Variants in SMTNL2 observed in about 807,000 individuals in gnomAD.
SMTNL2 encodes smoothelin-like protein 2.
SMTNL2 carries 43 observed loss-of-function variants against 44.1 expected under a neutral mutation model. The observed-to-expected ratio is 0.98, with a 90% CI of 0.76 to 1.26. SMTNL2 has a LOEUF of 1.26. Ranked by LOEUF, SMTNL2 falls within the 50% of genes most tolerant of loss-of-function variation. The probability of loss-of-function intolerance (pLI) is 0.00; values close to 1 mark genes in which losing one functional copy is unlikely to be tolerated. For missense variants in SMTNL2, 646 were observed against 670.2 expected (o/e 0.96, Z 0.40); for synonymous variants, 317 against 287.6 (o/e 1.10, Z -1.03).
chr17:4,584,701 C>G lies in SMTNL2; in HGVS notation c.96C>G (p.His32Gln), dbSNP rs1245670734. ...TGGAGGGTGCGGTGCGCGCGCTGCA[C>G]GAGGACATGCGGGGGCTGCAGCGCG... ...AALEGAVRAL[H>Q]EDMRGLQRGV... Residue 32 changes from histidine to glutamine, a missense_variant, in exon 1 of 8, where the codon CAC becomes CAG. Coordinates refer to ENST00000389313, the MANE Select transcript of SMTNL2 (RefSeq NM_001114974.2). 6 of 1,295,026 alleles carry G rather than the reference C, an allele frequency of 4.6e-6. No individual in the cohort carries two copies. Among genetic ancestry groups the G allele is most frequent in the Admixed American group, 4.1e-5 (1 of 24,138 alleles). The allele number at this position is 1,295,026 out of a possible 1,614,324, so 80.2% of individuals were successfully genotyped here.
Position 4,593,132 on chromosome 17 carries a change from C to G in SMTNL2, c.691C>G (p.Pro231Ala), listed in dbSNP as rs1374923847. Residue 231 changes from proline (P) to alanine (A), a missense_variant, in exon 3 of 8, where the codon CCC (proline) becomes GCC (alanine). Transcript: ENST00000389313. ...CACCCTGGGGGGCCTCAACCCAAGC[C>G]CCAGCGAGGTCATCACGCCCTGGAC... ...AATLGGLNPSPSEVITPWTPS... is the reference protein window; with the variant it reads ...AATLGGLNPSASEVITPWTPS... The G allele has an allele frequency of 1.9e-6, 3 of 1,611,372 alleles. No homozygotes were observed. Among genetic ancestry groups the G allele is most frequent in the Non-Finnish European group, 2.5e-6 (3 of 1,178,194 alleles).
At chr17:4,585,300 G>A (rs911624377) in intron 1 of SMTNL2, among the ~76,000 whole-genome samples, 1 of 152,240 alleles carries the variant, frequency 6.6e-6, no homozygotes, top group African/African-American at 2.4e-5. Flanking sequence ...CAACGGCTTG[G>A]GCGCCGAAGT....
chr17:4,592,600 G>A lies in SMTNL2; in HGVS notation c.487+152G>A, dbSNP rs1456328196. 37 of 728,534 alleles carry A rather than the reference G, an allele frequency of 5.1e-5. No homozygotes were observed. Among genetic ancestry groups the A allele is most frequent in the East Asian group, 1.1e-4 (4 of 36,742 alleles). 45.1% of individuals were successfully genotyped at this position (728,534 alleles called of 1,614,324 possible). The stretch of plus-strand genomic sequence containing the variant: ...GGAGAGAGGCTGCCAGGAGAGCAGC[G>A]TCATTCAGTAGAACTTGTGAAACAC... On this transcript the variant is annotated intron_variant, in intron 2 of 7. Transcript: ENST00000389313. This position sits in a 1 kb window ranked among gnomAD's most constrained non-coding sequence, Gnocchi z 4.5.
chr17:4,590,461 C>G (rs73973196), intron 1 of SMTNL2, among the ~76,000 whole-genome samples: 27,135 of 152,080 alleles, frequency 0.18, 2,488 homozygotes, highest in Middle Eastern at 0.22. Context: ...GTGCATGCCC[C>G]TGACTCCTGT....
chr17:4,606,833 C>T (rs568615054), intron 7 of SMTNL2, among the ~76,000 whole-genome samples: 7 of 152,226 alleles, frequency 4.6e-5, no homozygotes, highest in African/African-American at 1.7e-4. Context: ...TCACTCGAAC[C>T]CGGGAGGCAG....
rs746916563 is a variant in SMTNL2 at position 4,595,104 on chromosome 17, G to T, written c.807-41G>T. ...CTTGGGGCCTGGTGAGCTAGTGATG[G>T]CTGCTGGGCCCAGGTCCCAACTCGG... On this transcript the variant is annotated intron_variant, in intron 4 of 7. Transcript: ENST00000389313. This position sits in a 1 kb window ranked among gnomAD's most constrained non-coding sequence, Gnocchi z 5.1. The T allele has an allele frequency of 1.2e-6, 2 of 1,612,510 alleles. No individual in the cohort carries two copies. Among genetic ancestry groups the T allele is most frequent in the South Asian group, 2.2e-5 (2 of 91,022 alleles).
At chr17:4,601,974 C>T (rs1910055492) in intron 7 of SMTNL2, among the ~76,000 whole-genome samples, 1 of 151,976 alleles carries the variant, frequency 6.6e-6, no homozygotes, top group African/African-American at 2.4e-5. Context: ...TCTGCTGTCT[C>T]CCGAGTTTTG....
Position 4,593,048 on chromosome 17 carries a change from G to C in SMTNL2, c.607G>C (p.Val203Leu), listed in dbSNP as rs752233839. Reference sequence around the variant, plus strand: ...CCAGCCAGTCACGGCCATCACCCGAGTCTCTGACAGGTTCTCTGGGGAGAC... The same window carrying C: ...CCAGCCAGTCACGGCCATCACCCGACTCTCTGACAGGTTCTCTGGGGAGAC... ...PHQPVTAITRVSDRFSGETSA... is the reference protein window; with the variant it reads ...PHQPVTAITRLSDRFSGETSA... The change falls in exon 3 of 8, where the codon GTC (valine) becomes CTC (leucine). Residue 203 changes from valine to leucine, a missense_variant. Physicochemically the swap from Val to Leu is conservative, Grantham distance 32. Coordinates refer to ENST00000389313, the MANE Select transcript of SMTNL2 (RefSeq NM_001114974.2). The C allele has an allele frequency of 9.9e-6, 16 of 1,613,948 alleles. No individual in the cohort carries two copies. The highest frequency in any genetic ancestry group is 8.5e-6 in the Non-Finnish European group (10 of 1,180,004).
In SMTNL2 at chr17:4,599,855, A is replaced by G. The variant is rs926235153; in HGVS notation, c.1259+2532A>G. 3.3e-5 allele frequency among the ~76,000 whole-genome samples: 5 copies of G among 152,324 alleles called. No individual in the cohort carries two copies. In the South Asian group the frequency reaches 8.3e-4, roughly 25 times the overall value. ...GGGAGGCAGCGGCGGAGGCTGGTCC[A>G]GGTTTTGCCTTCTGCCTTCCCGGAG... On this transcript the variant is annotated intron_variant, in intron 7 of 7. Coordinates refer to ENST00000389313, the MANE Select transcript of SMTNL2 (RefSeq NM_001114974.2).
At chr17:4,597,476 C>T (rs1480853023) in intron 7 of SMTNL2, among the ~76,000 whole-genome samples, 153 bp downstream of exon 7, 1 of 152,208 alleles carries the variant, frequency 6.6e-6, no homozygotes, top group East Asian at 1.9e-4. Flanking sequence ...ACCTCTTGTG[C>T]AGATGGGAAG....
chr17:4,595,212 C>T lies in SMTNL2; in HGVS notation c.874C>T (p.Arg292Trp), dbSNP rs764207770. 44 of 1,613,184 alleles carry T rather than the reference C, an allele frequency of 2.7e-5. 1 individual carries two copies. The highest frequency in any genetic ancestry group is 3.3e-5 in the Non-Finnish European group (39 of 1,180,014). Residue 292 changes from arginine to tryptophan, a missense_variant, in exon 5 of 8, where the codon CGG becomes TGG. Coordinates refer to ENST00000389313, the MANE Select transcript of SMTNL2 (RefSeq NM_001114974.2). This position sits in a 1 kb window ranked among gnomAD's most constrained non-coding sequence, Gnocchi z 5.1. ...GCCGCCAGCCATAACTCAGGTCCAT[C>T]GGCAGGGGGAGCGTCGCAGGGAGCT... ...PQPPAITQVH[R>W]QGERRRELVR...
rs1909272437 is a variant in SMTNL2, at chr17:4,584,775, C to A, written c.170C>A (p.Ala57Glu). ...AEAMRLAGPL[A>E]RTVADLQRDN... ...GCGATGCGCCTGGCCGGCCCCCTGG[C>A]GCGCACGGTGGCCGACCTGCAGCGG... Residue 57 changes from alanine to glutamate, a missense_variant, in exon 1 of 8, where the codon GCG becomes GAG. Physicochemically the swap from Ala to Glu is moderately radical, Grantham distance 107. Transcript: ENST00000389313. The A allele has an allele frequency of 7.6e-7, 1 of 1,307,444 alleles. No individual in the cohort carries two copies. Among genetic ancestry groups the A allele is most frequent in the Admixed American group, 4.1e-5 (1 of 24,206 alleles). The allele number at this position is 1,307,444 out of a possible 1,614,324, so 81.0% of individuals were successfully genotyped here. A position where few individuals can be genotyped will look rare whatever the true frequency, so the allele number is the denominator to read the frequency against.
chr17:4,590,257 G>C (rs371169949), intron 1 of SMTNL2, among the ~76,000 whole-genome samples: 1 of 151,992 alleles, frequency 6.6e-6, no homozygotes. Flanking sequence ...GTGAGCCACC[G>C]CGCCTGGCCC....
chr17:4,596,641 C>CG (rs1909826000), intron 5 of SMTNL2, among the ~76,000 whole-genome samples: 4 of 152,286 alleles, frequency 2.6e-5, no homozygotes, highest in African/African-American at 9.6e-5. Flanking sequence ...GACGGTCCTG[C>CG]CACATACCAT....
rs1336916936 is a variant in SMTNL2 at position 4,600,812 on chromosome 17, C to T, written c.1259+3489C>T. On this transcript the variant is annotated intron_variant, in intron 7 of 7. Transcript: ENST00000389313. The surrounding 1 kb of genome is among the most constrained non-coding windows in gnomAD (Gnocchi z 4.7). The stretch of plus-strand genomic sequence containing the variant: ...TGCAGCCCCAGGCTTCCCGCTTGCC[C>T]TGCGGGGAATGTGTCCTGCTCTCGG... Among the ~76,000 whole-genome samples, 1 of 152,206 alleles carries T rather than the reference C, an allele frequency of 6.6e-6. No individual in the cohort carries two copies. Among genetic ancestry groups the T allele is most frequent in the Non-Finnish European group, 1.5e-5 (1 of 68,040 alleles).
At position 4,607,745 on chromosome 17, in the gene SMTNL2, G is replaced by T; in HGVS notation, c.*258G>T. 4.9e-6 allele frequency: 2 copies of T among 411,902 alleles called. No homozygotes were observed. The highest frequency in any genetic ancestry group is 5.0e-5 in the South Asian group (1 of 19,860). The allele number at this position is 411,902 out of a possible 1,614,324, so 25.5% of individuals were successfully genotyped here. On this transcript the variant is annotated 3_prime_UTR_variant, in exon 8 of 8. Coordinates refer to ENST00000389313, the MANE Select transcript of SMTNL2 (RefSeq NM_001114974.2). This position sits in a 1 kb window ranked among gnomAD's most constrained non-coding sequence, Gnocchi z 4.7. ...AAATTATGAGAGAGAGAGAGACATTGGTGCTAAGTAATGATCTTCCTAAAG... is the reference window on the plus strand; with the variant it reads ...AAATTATGAGAGAGAGAGAGACATTTGTGCTAAGTAATGATCTTCCTAAAG...
At chr17:4,603,244 A>T (rs1009814909) in intron 7 of SMTNL2, among the ~76,000 whole-genome samples, 1 of 152,126 alleles carries the variant, frequency 6.6e-6, no homozygotes, top group Non-Finnish European at 1.5e-5. Context: ...CCTGGTTCGG[A>T]GAGGTGGGTC....
At position 4,584,540 on chromosome 17, in the gene SMTNL2, G is replaced by A; in HGVS notation, c.-66G>A. 3.3e-6 allele frequency: 4 copies of A among 1,211,264 alleles called. No individual in the cohort carries two copies. In the South Asian group the frequency reaches 1.6e-4, roughly 50 times the overall value. The allele number at this position is 1,211,264 out of a possible 1,614,324, so 75.0% of individuals were successfully genotyped here. On this transcript the variant is annotated 5_prime_UTR_variant, in exon 1 of 8. Coordinates refer to ENST00000389313, the MANE Select transcript of SMTNL2 (RefSeq NM_001114974.2). ...AGCCACGGACGGCCAGTCGCGGCCC[G>A]GAGCTGCGGAGCTCGGATCTTCTCC...
rs978688289 is a variant in SMTNL2, at chr17:4,598,487, G to A, written c.1259+1164G>A. Reference sequence around the variant, plus strand: ...CAGCCTCTGACGTCGGTCTACAACCGACCTTGTTTGTTTCTGGTCTGAGTC... The same window carrying A: ...CAGCCTCTGACGTCGGTCTACAACCAACCTTGTTTGTTTCTGGTCTGAGTC... On this transcript the variant is annotated intron_variant, in intron 7 of 7. Coordinates refer to ENST00000389313, the MANE Select transcript of SMTNL2 (RefSeq NM_001114974.2). The surrounding 1 kb of genome is among the most constrained non-coding windows in gnomAD (Gnocchi z 4.8). Among the ~76,000 whole-genome samples, 6 of 152,162 alleles carry A rather than the reference G, an allele frequency of 3.9e-5. No individual in the cohort carries two copies. The highest frequency in any genetic ancestry group is 2.1e-4 in the South Asian group (1 of 4,822).
Sources: gnomAD v4.1 joint callset for allele counts (sites outside exome capture counted in the v4.1 genomes callset) on GRCh38, gnomAD v4.1.1 for gene constraint, Gnocchi (gnomAD v3.1) non-coding constraint, MANE v1.5 for transcripts, NCBI Gene and HGNC (gene_info 2026-07-23, HGNC 2026-07-21) for gene names.